LMF1: variants seen among roughly 807,000 people sequenced by gnomAD.
LMF1 encodes the protein lipase maturation factor 1.
Under a neutral mutation model 60.6 loss-of-function variants are expected in LMF1, and 68 were observed. That is an observed-to-expected ratio of 1.12 (90% CI 0.92 to 1.37). The LOEUF is 1.37. Ranked by LOEUF, LMF1 falls within the 40% of genes most tolerant of loss-of-function variation. The pLI, the probability that LMF1 is intolerant of heterozygous loss-of-function variation, is 0.00. For missense variants in LMF1, 948 were observed against 767.2 expected (o/e 1.24, Z -2.78); for synonymous variants, 418 against 324.7 (o/e 1.29, Z -3.09).
At chr16:930,490 G>C (rs1172561226) in intron 3 of LMF1, among the ~76,000 whole-genome samples, 1 of 152,180 alleles carries the variant, frequency 6.6e-6, no homozygotes, top group Non-Finnish European at 1.5e-5. Context: ...GAGCCCGGGA[G>C]GTCAAGGAGC....
upstream of LMF1, among the ~76,000 whole-genome samples, chr16:975,017 C>T (rs1032477941): frequency 2.9e-5 from 4 of 137,256 alleles, no homozygotes; most frequent in African/African-American, 5.2e-5. Context: ...CAGCGGCCAA[C>T]CCCCCCACCC....
intron 2 of LMF1, chr16:947,473 T>C (rs12447306): frequency 0.46 from 209,182 of 455,010 alleles, 52,183 homozygotes; most frequent in African/African-American, 0.7. Context: ...TGTCCCTGGG[T>C]GCTGGCGGCC....
chr16:858,529 T>A (rs559289197), intron 10 of LMF1, among the ~76,000 whole-genome samples: 9 of 18,708 alleles, frequency 4.8e-4, no homozygotes, highest in East Asian at 1.7e-3. Flanking sequence ...CAGTGGTGTC[T>A]CGGGACGGGT....
At chr16:974,225 A>C (rs1480181421), upstream of LMF1, among the ~76,000 whole-genome samples, 2 of 152,172 alleles carry the variant, frequency 1.3e-5, no homozygotes, top group African/African-American at 4.8e-5. Flanking sequence ...CTTCACTTAA[A>C]AACAGGCTTC....
upstream of LMF1, among the ~76,000 whole-genome samples, chr16:975,049 C>T (rs566535439): frequency 3.9e-5 from 6 of 152,288 alleles, no homozygotes; most frequent in East Asian, 7.7e-4. Flanking sequence ...CTGGCAGGTG[C>T]GGGTGGGGGC....
intron 5 of LMF1, among the ~76,000 whole-genome samples, chr16:882,063 G>T (rs1426977337): frequency 6.6e-6 from 1 of 152,226 alleles, no homozygotes; most frequent in African/African-American, 2.4e-5. Flanking sequence ...AATTGCCACG[G>T]GCTCTCAGAA....
At chr16:887,655 G>C (rs1441686149) in intron 5 of LMF1, among the ~76,000 whole-genome samples, 1 of 152,114 alleles carries the variant, frequency 6.6e-6, no homozygotes, top group Non-Finnish European at 1.5e-5. Flanking sequence ...TGTGTGGTCC[G>C]CCCCACGCAG....
At chr16:890,297 A>G (rs1263751488) in intron 5 of LMF1, among the ~76,000 whole-genome samples, 1 of 152,226 alleles carries the variant, frequency 6.6e-6, no homozygotes, top group Non-Finnish European at 1.5e-5. Context: ...GCCCCCGGGA[A>G]GCAAGAAAAG....
intron 2 of LMF1, among the ~76,000 whole-genome samples, chr16:939,136 C>T (rs1163405019): frequency 2.6e-5 from 4 of 152,100 alleles, no homozygotes; most frequent in Non-Finnish European, 5.9e-5. Context: ...AGAGCAAAAC[C>T]AAGAAAAATA....
Position 964,857 on chromosome 16 carries a change from C to T in LMF1, c.193+5931G>A, listed in dbSNP as rs190757847. Among the ~76,000 whole-genome samples, 998 of 152,326 alleles carry T rather than the reference C, an allele frequency of 6.6e-3. 13 individuals carry two copies. The highest frequency in any genetic ancestry group is 0.023 in the African/African-American group (959 of 41,576). ...GACACGCTACCAATGGCACCGCGGC[C>T]CCACCTCGCCGAAGCAGCTGCCGGG... On this transcript the variant is annotated intron_variant, in intron 1 of 10. Transcript: ENST00000262301.
At chr16:891,330 G>C (rs2070481599) in intron 5 of LMF1, among the ~76,000 whole-genome samples, 1 of 152,244 alleles carries the variant, frequency 6.6e-6, no homozygotes, top group South Asian at 2.1e-4. Flanking sequence ...TCACTGAAGG[G>C]ATGCAGCCCA....
chr16:890,389 A>C (rs1401257105), intron 5 of LMF1, among the ~76,000 whole-genome samples: 6 of 152,062 alleles, frequency 3.9e-5, no homozygotes, highest in African/African-American at 9.7e-5. Context: ...GCGATTCCCC[A>C]AGGACAGCCT....
upstream of LMF1, among the ~76,000 whole-genome samples, chr16:972,564 C>T (rs145960863): frequency 3.2e-4 from 48 of 152,332 alleles, no homozygotes; most frequent in African/African-American, 1.1e-3. Context: ...CCTGGGACCA[C>T]GCCTGCAGAG....
intron 1 of LMF1, among the ~76,000 whole-genome samples, chr16:958,910 A>C (rs2072765846): frequency 6.9e-6 from 1 of 145,736 alleles, no homozygotes; most frequent in Non-Finnish European, 1.5e-5. Flanking sequence ...AAAACAAAAC[A>C]AAAAAAACAC....
At chr16:971,214 G>T (rs1182525731), upstream of LMF1, among the ~76,000 whole-genome samples, 1 of 152,224 alleles carries the variant, frequency 6.6e-6, no homozygotes, top group South Asian at 2.1e-4. Flanking sequence ...CGCTGCTGCG[G>T]GTAGGGCGCG....
chr16:910,093 G>A (rs1232047879), intron 4 of LMF1, among the ~76,000 whole-genome samples: 1 of 152,258 alleles, frequency 6.6e-6, no homozygotes, highest in African/African-American at 2.4e-5. Context: ...ACCAAACCAC[G>A]TGAAGCGGAA....
intron 1 of LMF1, chr16:976,173 C>T (rs1201478456): frequency 2.9e-5 from 13 of 453,040 alleles, no homozygotes; most frequent in Admixed American, 7.1e-5. Context: ...GGACCTCAGC[C>T]CCCCAGTGCC....
At chr16:978,056 A>C (rs2073214367) in intron 1 of LMF1, among the ~76,000 whole-genome samples, 1 of 138,648 alleles carries the variant, frequency 7.2e-6, no homozygotes, top group Non-Finnish European at 1.5e-5. Flanking sequence ...ACACACAAAC[A>C]CACCCACACC....
chr16:915,727 C>T (rs529749737), intron 3 of LMF1, among the ~76,000 whole-genome samples: 21 of 152,334 alleles, frequency 1.4e-4, no homozygotes, highest in South Asian at 6.2e-4. Flanking sequence ...GTTTTCCGGA[C>T]GGAAGTCCTG....
Sources: allele counts gnomAD v4.1 joint callset (sites outside exome capture counted in the v4.1 genomes callset), GRCh38; gene constraint gnomAD v4.1.1; transcripts MANE v1.5; gene names NCBI Gene and HGNC (gene_info 2026-07-23, HGNC 2026-07-21).